Variants in MYCBP2 observed in about 807,000 individuals in gnomAD.
The protein encoded by MYCBP2 is MYC binding protein 2, also known as E3 ubiquitin-protein ligase MYCBP2.
Under a neutral mutation model 525.3 loss-of-function variants are expected in MYCBP2, and 120 were observed. The observed-to-expected ratio is 0.23, with a 90% CI of 0.20 to 0.27. The LOEUF is 0.27. Among genes scored for constraint, MYCBP2 ranks in the 10% least tolerant of loss-of-function variants. The probability of loss-of-function intolerance (pLI) is 1.00; values close to 1 mark genes in which losing one functional copy is unlikely to be tolerated. For missense variants in MYCBP2, 4,149 were observed against 5,657.1 expected (o/e 0.73, Z 8.55); for synonymous variants, 1,894 against 1,955.8 (o/e 0.97, Z 0.83).
At chr13:77,137,042 G>GC in intron 52 of MYCBP2, among the ~76,000 whole-genome samples, 1 of 152,226 alleles carries the variant, frequency 6.6e-6, no homozygotes, top group East Asian at 1.9e-4. Context: ...ACACTCTTGA[G>GC]CTGTTTACAT....
rs1443040428 is a variant in MYCBP2 at position 77,098,037 on chromosome 13, G to A, written c.9117C>T (p.Leu3039=). 6.2e-7 allele frequency: 1 copy of A among 1,613,654 alleles called. No homozygotes were observed. Among genetic ancestry groups the A allele is most frequent in the Non-Finnish European group, 8.5e-7 (1 of 1,179,796 alleles). ...CATCATGTACTATGCCTTCATGCCAGAGGAAGGAAGCAAACACAGCTCTGG... is the reference window on the plus strand; with the variant it reads ...CATCATGTACTATGCCTTCATGCCAAAGGAAGGAAGCAAACACAGCTCTGG... The part of the protein sequence containing the change: ...ECARAVFASF[L]WHEGIVHDAM... Residue 3039 remains leucine (L), a synonymous_variant, in exon 56 of 83, where the codon CTC becomes CTT. Coordinates refer to ENST00000544440, the MANE Select transcript of MYCBP2 (RefSeq NM_015057.5).
At chr13:77,172,685 T>C (rs2059261888) in intron 37 of MYCBP2, among the ~76,000 whole-genome samples, 1 of 152,158 alleles carries the variant, frequency 6.6e-6, no homozygotes, top group Admixed American at 6.5e-5. Context: ...GTGTAAAGTA[T>C]GAGGGAAAGA....
rs541228414 is a variant in MYCBP2 at position 77,107,201 on chromosome 13, A to G, written c.8141-8188T>C. On this transcript the variant is annotated intron_variant, in intron 55 of 82. Transcript: ENST00000544440. The stretch of plus-strand genomic sequence containing the variant: ...TAGAACTTCAGATATTTTTGACAGC[A>G]ATAGGCTCCTACAAGAAACAGTAAA... Among the ~76,000 whole-genome samples, 5 of 152,274 alleles carry G rather than the reference A, an allele frequency of 3.3e-5. No individual in the cohort carries two copies. In the South Asian group the frequency reaches 6.2e-4, roughly 19 times the overall value.
chr13:77,222,706 G>A (rs1469055058), intron 20 of MYCBP2, among the ~76,000 whole-genome samples: 1 of 151,636 alleles, frequency 6.6e-6, no homozygotes, highest in African/African-American at 2.4e-5. Flanking sequence ...ATCCACATAT[G>A]ATATTTTTTC....
intron 55 of MYCBP2, among the ~76,000 whole-genome samples, chr13:77,116,702 A>G (rs1002571788): frequency 1.3e-5 from 2 of 152,064 alleles, no homozygotes; most frequent in African/African-American, 2.4e-5. Context: ...AGTGGTAAAT[A>G]AAGTGGTGGT....
At chr13:77,119,801 T>G (rs2050374916) in intron 55 of MYCBP2, among the ~76,000 whole-genome samples, 1 of 152,178 alleles carries the variant, frequency 6.6e-6, no homozygotes, top group South Asian at 2.1e-4. Flanking sequence ...TATAGCAGAC[T>G]ACATCCTTAA....
In MYCBP2 at chr13:77,270,757, A is replaced by C. The variant is rs1395103142; in HGVS notation, c.946-219T>G. Among the ~76,000 whole-genome samples, 5 of 152,208 alleles carry C rather than the reference A, an allele frequency of 3.3e-5. No individual in the cohort carries two copies. In the East Asian group the frequency reaches 9.7e-4, roughly 29 times the overall value. ...TCTTGGGATTCCATGTCATTCACCA[A>C]TTCTGTAAAATCTTAGCCATTATTT... On this transcript the variant is annotated intron_variant, in intron 5 of 82. Coordinates refer to ENST00000544440, the MANE Select transcript of MYCBP2 (RefSeq NM_015057.5).
At chr13:77,313,462 C>T (rs2080522753) in intron 1 of MYCBP2, among the ~76,000 whole-genome samples, 1 of 151,962 alleles carries the variant, frequency 6.6e-6, no homozygotes, top group African/African-American at 2.4e-5. Flanking sequence ...ACAAACCTTA[C>T]ACCCTTCACA....
At position 77,121,465 on chromosome 13, in the gene MYCBP2, G is replaced by T; in HGVS notation, c.8048C>A (p.Thr2683Asn). The T allele has an allele frequency of 6.3e-7, 1 of 1,581,032 alleles. No homozygotes were observed. ...EQALLDQNSQ[T>N]PPPSPFSVQA... ...CACTGAGAAAGGGCTTGGAGGAGGA[G>T]TTTGAGAATTCTGATCCAGAAGAGC... The change falls in exon 55 of 83, where the codon ACT becomes AAT. Residue 2683 changes from threonine (T) to asparagine (N), a missense_variant. This residue lies in a region of MYCBP2 where 653 missense variants were observed against 744.7 expected (regional missense o/e 0.88). Coordinates refer to ENST00000544440, the MANE Select transcript of MYCBP2 (RefSeq NM_015057.5).
Position 77,093,398 on chromosome 13 carries a change from T to C in MYCBP2, c.10200-66A>G, listed in dbSNP as rs1292339077. On this transcript the variant is annotated intron_variant, in intron 58 of 82. Transcript: ENST00000544440. ...ATACAGATCCTCTCCATTTTTAATCTCTTTCATAACAGGAAAAGCAGCACA... is the reference window on the plus strand; with the variant it reads ...ATACAGATCCTCTCCATTTTTAATCCCTTTCATAACAGGAAAAGCAGCACA... 4.3e-6 allele frequency: 6 copies of C among 1,401,486 alleles called. No individual in the cohort carries two copies. The African/African-American group carries it at 8.6e-5, about 20-fold the overall frequency. 86.8% of individuals were successfully genotyped at this position (1,401,486 alleles called of 1,614,324 possible).
chr13:77,263,330 C>T (rs762144381), intron 10 of MYCBP2, among the ~76,000 whole-genome samples: 1 of 151,892 alleles, frequency 6.6e-6, no homozygotes, highest in Non-Finnish European at 1.5e-5. Context: ...AAAAATGATG[C>T]AGCATATAAA....
intron 55 of MYCBP2, among the ~76,000 whole-genome samples, chr13:77,106,936 T>A (rs886510460): frequency 4.6e-5 from 7 of 152,256 alleles, no homozygotes; most frequent in African/African-American, 1.7e-4. Flanking sequence ...GGCAAGAGCT[T>A]GAGGAGGTTT....
chr13:77,206,676 G>C lies in MYCBP2; in HGVS notation c.3566C>G (p.Ser1189Cys). The change falls in exon 24 of 83, where the codon TCT becomes TGT. Residue 1189 changes from serine to cysteine, a missense_variant. By Grantham distance (112) the Ser-to-Cys change is moderately radical (BLOSUM62 -1). This residue lies in a region of MYCBP2 where 620 missense variants were observed against 795.5 expected (regional missense o/e 0.78). Transcript: ENST00000544440. The part of the protein sequence containing the change: ...PTGSRALTTR[S>C]HAALHILGCL... ...ACCTAAAATGTGCAAAGCTGCATGA[G>C]ATCGGGTAGTGAGGGCCCTTGATCC... is the stretch of plus-strand genomic sequence containing the variant. 6.2e-7 allele frequency: 1 copy of C among 1,604,934 alleles called. No homozygotes were observed. Among genetic ancestry groups the C allele is most frequent in the Non-Finnish European group, 8.5e-7 (1 of 1,175,488 alleles).
chr13:77,072,146 C>T (rs1020058250), intron 68 of MYCBP2, among the ~76,000 whole-genome samples: 3 of 151,822 alleles, frequency 2.0e-5, no homozygotes, highest in African/African-American at 7.3e-5. Context: ...AAAAAATTAG[C>T]TGGGCATGGT....
intron 55 of MYCBP2, among the ~76,000 whole-genome samples, chr13:77,107,239 T>C (rs2047993579): frequency 6.6e-6 from 1 of 152,158 alleles, no homozygotes; most frequent in Non-Finnish European, 1.5e-5. Flanking sequence ...GGTCTAACTT[T>C]ATAGTTGAGG....
intron 1 of MYCBP2, among the ~76,000 whole-genome samples, chr13:77,325,066 A>G (rs1734554919): frequency 6.6e-6 from 1 of 152,238 alleles, no homozygotes; most frequent in African/African-American, 2.4e-5. Flanking sequence ...TCCATATGGT[A>G]AAACTACTGC....
intron 73 of MYCBP2, among the ~76,000 whole-genome samples, chr13:77,063,327 G>A (rs2039636893): frequency 6.6e-6 from 1 of 152,176 alleles, no homozygotes; most frequent in African/African-American, 2.4e-5. Context: ...GGAGGCCAAG[G>A]TGGGTGGATC....
intron 63 of MYCBP2, 95 bp downstream of exon 63, chr13:77,082,937 C>G: frequency 8.1e-7 from 1 of 1,242,136 alleles, no homozygotes; most frequent in Non-Finnish European, 1.1e-6. Context: ...TTCTATCTTA[C>G]TATTTAAAGA....
intron 57 of MYCBP2, among the ~76,000 whole-genome samples, chr13:77,096,055 G>C (rs749571137): frequency 3.3e-5 from 5 of 151,952 alleles, no homozygotes; most frequent in Non-Finnish European, 5.9e-5. Flanking sequence ...TAATAATAAA[G>C]AGTTACACAA....
Sources: allele counts gnomAD v4.1 joint callset (sites outside exome capture counted in the v4.1 genomes callset), GRCh38; gene constraint gnomAD v4.1.1; regional missense constraint gnomAD v4.1.1; transcripts MANE v1.5; gene names NCBI Gene and HGNC (gene_info 2026-07-23, HGNC 2026-07-21).